The following SDCCAG8 variants were observed in gnomAD, a reference collection of about 807,000 sequenced individuals.
SDCCAG8 encodes the protein SHH signaling and ciliogenesis regulator SDCCAG8, also known as serologically defined colon cancer antigen 8.
A neutral mutation model predicts 101.8 loss-of-function variants in SDCCAG8; 74 were observed. The observed-to-expected ratio is 0.73, with a 90% CI of 0.60 to 0.88. The LOEUF (loss-of-function observed/expected upper bound fraction) is 0.88. SDCCAG8 is among the 40% of genes least tolerant of loss of function. The pLI, the probability that SDCCAG8 is intolerant of heterozygous loss-of-function variation, is 0.00. For missense variants in SDCCAG8, 787 were observed against 822.6 expected, an observed-to-expected ratio of 0.96 and a Z score of 0.53; for synonymous variants, 281 against 292.9, an observed-to-expected ratio of 0.96 and a Z score of 0.41.
chr1:243,388,571 T>G (rs745525710), intron 13 of SDCCAG8, among the ~76,000 whole-genome samples: 1 of 151,864 alleles, frequency 6.6e-6, no homozygotes, highest in Admixed American at 6.6e-5. Context: ...TTTAAAAATA[T>G]AATCCCTGGT....
chr1:243,400,690 A>G (rs570253782), intron 13 of SDCCAG8, among the ~76,000 whole-genome samples: 1 of 152,310 alleles, frequency 6.6e-6, no homozygotes, highest in Admixed American at 6.5e-5. Context: ...TTTATTCTAG[A>G]AAACAAATTT....
chr1:243,322,096 ATC>A (rs2073804858), intron 9 of SDCCAG8, among the ~76,000 whole-genome samples: 1 of 152,230 alleles, frequency 6.6e-6, no homozygotes, highest in African/African-American at 2.4e-5. Context: ...TCTTTGAGAA[ATC>A]TCTGTTAAAC....
chr1:243,464,829 G>C (rs1043167062), intron 16 of SDCCAG8, among the ~76,000 whole-genome samples: 3 of 152,198 alleles, frequency 2.0e-5, no homozygotes, highest in African/African-American at 7.2e-5. Context: ...TTCAAGTCCT[G>C]GTCACCCCAT....
chr1:243,433,450 A>G (rs80068158), intron 16 of SDCCAG8, among the ~76,000 whole-genome samples: 6,544 of 151,958 alleles, frequency 0.043, 202 homozygotes, highest in South Asian at 0.12. Context: ...GCAATCCTGC[A>G]GTGCAGAGTA....
chr1:243,475,196 TC>T (rs935265491), intron 16 of SDCCAG8, among the ~76,000 whole-genome samples: 3 of 152,204 alleles, frequency 2.0e-5, no homozygotes, highest in African/African-American at 7.2e-5. Context: ...TCAGGGCAGT[TC>T]TACCGCCGCC....
chr1:243,337,110 A>C (rs1390856928), intron 10 of SDCCAG8, among the ~76,000 whole-genome samples: 2 of 152,138 alleles, frequency 1.3e-5, no homozygotes, highest in African/African-American at 4.8e-5. Context: ...GGTGTTTCCT[A>C]GGTTTTCAGC....
intron 16 of SDCCAG8, among the ~76,000 whole-genome samples, chr1:243,433,922 G>T (rs1373683279): frequency 3.3e-5 from 5 of 152,144 alleles, no homozygotes; most frequent in Admixed American, 6.5e-5. Context: ...ATATTCTACT[G>T]GCCGCCTCCA....
chr1:243,429,390 G>A lies in SDCCAG8; in HGVS notation c.1985+2832G>A, dbSNP rs138177849. 8.9e-3 allele frequency among the ~76,000 whole-genome samples: 1,351 copies of A among 151,766 alleles called. 26 individuals are homozygous for A. The highest frequency in any genetic ancestry group is 0.032 in the African/African-American group (1,303 of 41,282). On this transcript the variant is annotated intron_variant, in intron 16 of 17. Coordinates refer to ENST00000366541, the MANE Select transcript of SDCCAG8 (RefSeq NM_006642.5). ...GGTCAACAGTAGGCTGTTGGTAGTT[G>A]AATTTGAGAGGAGTCAAAAGTTATG...
intron 9 of SDCCAG8, among the ~76,000 whole-genome samples, chr1:243,317,132 T>A (rs1211972343): frequency 1.3e-5 from 2 of 152,164 alleles, no homozygotes; most frequent in Non-Finnish European, 2.9e-5. Context: ...GTATAATACT[T>A]TGAGAGACCT....
intron 13 of SDCCAG8, among the ~76,000 whole-genome samples, chr1:243,410,213 T>A (rs916970582): frequency 1.3e-5 from 2 of 152,180 alleles, no homozygotes; most frequent in African/African-American, 4.8e-5. Context: ...GTGTCTACAC[T>A]GAAAATTGGT....
At chr1:243,436,510 A>G (rs1207067208) in intron 16 of SDCCAG8, among the ~76,000 whole-genome samples, 1 of 152,078 alleles carries the variant, frequency 6.6e-6, no homozygotes, top group Admixed American at 6.5e-5. Flanking sequence ...GCTCTATTCT[A>G]CTACTTTTGC....
intron 13 of SDCCAG8, among the ~76,000 whole-genome samples, chr1:243,414,845 A>ATGTG (rs35826806): frequency 0.37 from 54,454 of 148,774 alleles, 11,067 homozygotes; most frequent in East Asian, 0.63. Context: ...CCATTCTAAT[A>ATGTG]TGTGTGTGTG....
At chr1:243,313,310 A>G (rs1350044562) in intron 8 of SDCCAG8, among the ~76,000 whole-genome samples, 1 of 152,222 alleles carries the variant, frequency 6.6e-6, no homozygotes, top group Non-Finnish European at 1.5e-5. Context: ...TAATTTAGAA[A>G]TTATAAGACA....
At chr1:243,324,847 A>G (rs950952344) in intron 9 of SDCCAG8, among the ~76,000 whole-genome samples, 1 of 151,382 alleles carries the variant, frequency 6.6e-6, no homozygotes, top group South Asian at 2.1e-4. Flanking sequence ...CTTTCACTCT[A>G]CTCTTTCATG....
intron 16 of SDCCAG8, among the ~76,000 whole-genome samples, chr1:243,459,007 A>G (rs1658434443): frequency 6.6e-6 from 1 of 152,252 alleles, no homozygotes; most frequent in Non-Finnish European, 1.5e-5. Flanking sequence ...AAATGTGTTT[A>G]TGTTACCTTA....
At chr1:243,485,168 G>A (rs956473092) in intron 16 of SDCCAG8, among the ~76,000 whole-genome samples, 1 of 152,136 alleles carries the variant, frequency 6.6e-6, no homozygotes, top group East Asian at 1.9e-4. Context: ...GCGCTGGCTC[G>A]ATTTGACTCC....
At chr1:243,301,240 G>T (rs891942689) in intron 6 of SDCCAG8, among the ~76,000 whole-genome samples, 10 of 152,088 alleles carry the variant, frequency 6.6e-5, no homozygotes, top group African/African-American at 2.2e-4. Context: ...TGCTATTGTG[G>T]TGAGTTCAAG....
At chr1:243,452,770 C>A (rs1221102738) in intron 16 of SDCCAG8, among the ~76,000 whole-genome samples, 2 of 152,168 alleles carry the variant, frequency 1.3e-5, no homozygotes, top group East Asian at 1.9e-4. Flanking sequence ...GGGCTGTGAA[C>A]CTTCATAAAA....
At position 243,474,040 on chromosome 1, in the gene SDCCAG8, A is replaced by G. The variant is rs977763877; in HGVS notation, c.1986-14974A>G. ...CATAGAAATGTAAACGGGTTGCAGTATTTCTTTGGCCTATTAGCCAAGATT... is the reference window on the plus strand; with the variant it reads ...CATAGAAATGTAAACGGGTTGCAGTGTTTCTTTGGCCTATTAGCCAAGATT... On this transcript the variant is annotated intron_variant, in intron 16 of 17. Transcript: ENST00000366541. The surrounding 1 kb of genome is among the most constrained non-coding windows in gnomAD (Gnocchi z 4.7). Among the ~76,000 whole-genome samples, 1 of 149,512 alleles carries G rather than the reference A, an allele frequency of 6.7e-6. No individual in the cohort carries two copies. Among genetic ancestry groups the G allele is most frequent in the African/African-American group, 2.5e-5 (1 of 40,448 alleles).
Sources: gnomAD v4.1 joint callset for allele counts (sites outside exome capture counted in the v4.1 genomes callset) on GRCh38, gnomAD v4.1.1 for gene constraint, Gnocchi (gnomAD v3.1) non-coding constraint, MANE v1.5 for transcripts, NCBI Gene and HGNC (gene_info 2026-07-23, HGNC 2026-07-21) for gene names.